Variants in PCDHGA2 observed in about 807,000 individuals in gnomAD.
The protein encoded by PCDHGA2 is protocadherin gamma subfamily A, 2.
A neutral mutation model predicts 59.2 loss-of-function variants in PCDHGA2; 40 were observed. The ratio of observed to expected loss-of-function variants is 0.68; its 90% confidence interval spans 0.52 to 0.88. PCDHGA2 has a LOEUF of 0.88. Among genes scored for constraint, PCDHGA2 ranks in the 40% least tolerant of loss-of-function variants. The pLI, the probability that PCDHGA2 is intolerant of heterozygous loss-of-function variation, is 0.00. For synonymous variants in PCDHGA2, 560 were observed against 526.0 expected (o/e 1.06, Z -0.89); for missense variants, 1,226 against 1,204.0 (o/e 1.02, Z -0.27).
In PCDHGA2 at chr5:141,405,631, C is replaced by T. The variant is rs150331884; in HGVS notation, c.2424+64236C>T. The T allele has an allele frequency of 4.9e-3, 2,596 of 530,826 alleles. 48 individuals carry two copies. The highest frequency in any genetic ancestry group is 0.045 in the African/African-American group (2,348 of 52,012). The allele number at this position is 530,826 out of a possible 1,614,324, so 32.9% of individuals were successfully genotyped here. ...CTGGGACTACAGGCACGTGCCACCA[C>T]GCCCGGCTAATTTTTTGTGTGTTTT... is the stretch of plus-strand genomic sequence containing the variant. On this transcript the variant is annotated intron_variant, in intron 1 of 3. Transcript: ENST00000394576.
chr5:141,461,167 C>T (rs917796588), intron 1 of PCDHGA2, among the ~76,000 whole-genome samples: 2 of 151,968 alleles, frequency 1.3e-5, no homozygotes, highest in Non-Finnish European at 2.9e-5. Context: ...AGTGGGATTG[C>T]TGGATTGAAT....
intron 1 of PCDHGA2, chr5:141,414,109 G>A: frequency 6.3e-7 from 1 of 1,592,288 alleles, no homozygotes; most frequent in Non-Finnish European, 8.6e-7. Context: ...AGAAAATCTA[G>A]ATTATGAAGA....
chr5:141,414,517 G>C, intron 1 of PCDHGA2: 1 of 1,613,964 alleles, frequency 6.2e-7, no homozygotes, highest in South Asian at 1.1e-5. Context: ...ACAAGTGGCA[G>C]ATATCAATGA....
At chr5:141,365,560 GGACAGAGAAGA>G in intron 1 of PCDHGA2, 1 of 1,613,652 alleles carries the variant, frequency 6.2e-7, no homozygotes, top group Non-Finnish European at 8.5e-7. Context: ...CTAGGGACCT[GGACAGAGAAGA>G]GACTTCAGAT....
intron 1 of PCDHGA2, chr5:141,426,591 A>G: frequency 1.4e-5 from 5 of 369,676 alleles, no homozygotes; most frequent in South Asian, 7.9e-5. Context: ...CCTCTGTGTC[A>G]TACCCTTAGA....
At chr5:141,353,104 G>A (rs1481867044) in intron 1 of PCDHGA2, among the ~76,000 whole-genome samples, 1 of 152,134 alleles carries the variant, frequency 6.6e-6, no homozygotes, top group Non-Finnish European at 1.5e-5. Flanking sequence ...GTACTAGATA[G>A]ATGGAGATTG....
intron 1 of PCDHGA2, among the ~76,000 whole-genome samples, chr5:141,439,623 C>T (rs1219064055): frequency 6.6e-6 from 1 of 152,186 alleles, no homozygotes; most frequent in East Asian, 1.9e-4. Context: ...ATGAGCCAAT[C>T]CCCAGACATT....
At chr5:141,506,432 C>A (rs2099853359) in intron 3 of PCDHGA2, among the ~76,000 whole-genome samples, 1 of 132,482 alleles carries the variant, frequency 7.5e-6, no homozygotes, top group Non-Finnish European at 1.6e-5. Context: ...GGGCAACAGT[C>A]TCGCTCTGTC....
intron 2 of PCDHGA2, among the ~76,000 whole-genome samples, chr5:141,501,159 C>G (rs1475164887): frequency 6.6e-6 from 1 of 152,096 alleles, no homozygotes; most frequent in East Asian, 1.9e-4. Context: ...GAGCCACCAT[C>G]CCCAGCCTCA....
At chr5:141,350,581 T>C (rs770869658) in intron 1 of PCDHGA2, 1 of 1,614,052 alleles carries the variant, frequency 6.2e-7, no homozygotes, top group South Asian at 1.1e-5. Context: ...AAACGGTCGC[T>C]GAAAACCCAA....
At chr5:141,347,206 T>G (rs769485722) in intron 1 of PCDHGA2, among the ~76,000 whole-genome samples, 8 of 129,568 alleles carry the variant, frequency 6.2e-5, no homozygotes, top group Non-Finnish European at 1.1e-4. Context: ...CTGTCTGGAG[T>G]GCAGTGGCAT....
chr5:141,371,226 A>C (rs772683388), intron 1 of PCDHGA2: 19 of 1,613,954 alleles, frequency 1.2e-5, no homozygotes, highest in Non-Finnish European at 1.6e-5. Flanking sequence ...TGCCGAAATC[A>C]TCTATGCCTT....
At chr5:141,352,144 G>C in intron 1 of PCDHGA2, 2 of 1,612,258 alleles carry the variant, frequency 1.2e-6, no homozygotes, top group Non-Finnish European at 1.7e-6. Context: ...CGCGTGCCTT[G>C]GGCGACAGGG....
In PCDHGA2 at chr5:141,413,207, C is replaced by G. The variant is rs563279284; in HGVS notation, c.2424+71812C>G. The G allele has an allele frequency of 2.1e-4, 334 of 1,612,874 alleles. 3 individuals carry two copies. In the South Asian group the frequency reaches 3.4e-3, roughly 17 times the overall value. On this transcript the variant is annotated intron_variant, in intron 1 of 3. Coordinates refer to ENST00000394576, the MANE Select transcript of PCDHGA2 (RefSeq NM_018915.4). ...GCTCAAAGGAATCGCTCAAAGGAAT[C>G]AAAGGATTGCAGCGGGCTGGTCCTG... is the stretch of plus-strand genomic sequence containing the variant.
Position 141,485,731 on chromosome 5 carries a change from C to T in PCDHGA2, c.2425-9076C>T, listed in dbSNP as rs1440070106. The T allele has an allele frequency of 1.9e-6, 3 of 1,614,036 alleles. No individual in the cohort carries two copies. The highest frequency in any genetic ancestry group is 2.2e-5 in the South Asian group (2 of 91,080). On this transcript the variant is annotated intron_variant, in intron 1 of 3. Transcript: ENST00000394576. This position sits in a 1 kb window ranked among gnomAD's most constrained non-coding sequence, Gnocchi z 5.7. ...TTGCACTGGATGTGAAGAAGCGCAG[C>T]GACGGCAGCCTGGTCCCAGAGCTGC...
At chr5:141,368,749 A>T (rs1765836759) in intron 1 of PCDHGA2, among the ~76,000 whole-genome samples, 1 of 152,194 alleles carries the variant, frequency 6.6e-6, no homozygotes. Flanking sequence ...ATACTTTTAA[A>T]TATCTGAATC....
chr5:141,393,187 A>T (rs1327222319), intron 1 of PCDHGA2: 1 of 1,613,380 alleles, frequency 6.2e-7, no homozygotes, highest in East Asian at 2.2e-5. Flanking sequence ...GAAATAATTG[A>T]TATTAACGAT....
chr5:141,362,014 C>A lies in PCDHGA2; in HGVS notation c.2424+20619C>A, dbSNP rs748394772. On this transcript the variant is annotated intron_variant, in intron 1 of 3. Transcript: ENST00000394576. ...CCTGGGGTTGCGCACGGGTGAGGTG[C>A]GCACAGCGCGTGCCTTGGGCGACAG... 16 of 1,606,054 alleles carry A rather than the reference C, an allele frequency of 1.0e-5. No individual in the cohort carries two copies. The highest frequency in any genetic ancestry group is 3.4e-5 in the Admixed American group (2 of 59,616).
intron 1 of PCDHGA2, chr5:141,355,123 G>A (rs1759719890): frequency 6.6e-7 from 1 of 1,515,214 alleles, no homozygotes; most frequent in African/African-American, 1.4e-5. Flanking sequence ...CTTTATTTTG[G>A]ACCCAGAAGA....
Sources: gnomAD v4.1 joint callset for allele counts (sites outside exome capture counted in the v4.1 genomes callset) on GRCh38, gnomAD v4.1.1 for gene constraint, Gnocchi (gnomAD v3.1) non-coding constraint, MANE v1.5 for transcripts, NCBI Gene and HGNC (gene_info 2026-07-23, HGNC 2026-07-21) for gene names.